The following XXYLT1 variants were observed in gnomAD, a reference collection of about 807,000 sequenced individuals.
The protein encoded by XXYLT1 is xyloside xylosyltransferase 1, also known as UDP-xylose:alpha-xyloside alpha-1,3-xylosyltransferase.
In XXYLT1, 20 loss-of-function variants were observed where a neutral mutation model predicts 28.9. The observed-to-expected ratio is 0.69, with a 90% CI of 0.49 to 1.00. The LOEUF is 1.00. Among genes scored for constraint, XXYLT1 ranks in the 50% least tolerant of loss-of-function variants. The pLI is 0.00. For missense variants in XXYLT1, 542 were observed against 560.1 expected (o/e 0.97, Z 0.33); for synonymous variants, 257 against 253.8 (o/e 1.01, Z -0.12).
intron 3 of XXYLT1, among the ~76,000 whole-genome samples, chr3:195,123,759 G>A (rs1230701324): frequency 1.3e-5 from 2 of 152,130 alleles, no homozygotes; most frequent in East Asian, 3.8e-4. Flanking sequence ...CCTCAGACGC[G>A]GGCACGATAA....
intron 1 of XXYLT1, among the ~76,000 whole-genome samples, chr3:195,236,331 C>T (rs1724546534): frequency 6.6e-6 from 1 of 152,144 alleles, no homozygotes; most frequent in African/African-American, 2.4e-5. Context: ...TCCCACTCTT[C>T]CCTCCTCTTT....
intron 2 of XXYLT1, among the ~76,000 whole-genome samples, chr3:195,160,514 G>A (rs1441112917): frequency 6.6e-6 from 1 of 152,222 alleles, no homozygotes; most frequent in African/African-American, 2.4e-5. Context: ...GCAGCTGCCT[G>A]GAAAAGGGGC....
At chr3:195,083,448 T>C (rs893462942) in intron 3 of XXYLT1, among the ~76,000 whole-genome samples, 2 of 152,190 alleles carry the variant, frequency 1.3e-5, no homozygotes, top group Non-Finnish European at 2.9e-5. Flanking sequence ...GCTGAGATGA[T>C]CCCTGGGGCC....
At chr3:195,142,451 A>G (rs1719542482) in intron 3 of XXYLT1, among the ~76,000 whole-genome samples, 2 of 152,162 alleles carry the variant, frequency 1.3e-5, no homozygotes, top group Non-Finnish European at 2.9e-5. Flanking sequence ...AACTTACCTT[A>G]GCTGGCAAAG....
chr3:195,240,143 T>A lies in XXYLT1; in HGVS notation c.505-13287A>T, dbSNP rs987743934. ...CAGTACTTTGTTGTTCAAACTAAAA[T>A]ATGTAACCGAGAAAGTGCTGTGTGA... On this transcript the variant is annotated intron_variant, in intron 1 of 3. Coordinates refer to ENST00000310380, the MANE Select transcript of XXYLT1 (RefSeq NM_152531.5). This position sits in a 1 kb window ranked among gnomAD's most constrained non-coding sequence, Gnocchi z 4.7. Among the ~76,000 whole-genome samples, 4 of 152,336 alleles carry A rather than the reference T, an allele frequency of 2.6e-5. No individual in the cohort carries two copies. The highest frequency in any genetic ancestry group is 2.0e-4 in the Admixed American group (3 of 15,298).
At chr3:195,148,138 C>T (rs572859983) in intron 3 of XXYLT1, 6 of 152,366 alleles carry the variant, frequency 3.9e-5, no homozygotes, top group South Asian at 2.1e-4. Flanking sequence ...GCAACACAAT[C>T]CCGCTTGGGT....
rs1303849961 is a variant in XXYLT1, at chr3:195,235,941, TAG to T, written c.505-9087_505-9086del. Among the ~76,000 whole-genome samples the T allele has an allele frequency of 8.0e-4, 121 of 151,004 alleles. 1 individual carries two copies. In the East Asian group the frequency reaches 0.017, roughly 22 times the overall value. On this transcript the variant is annotated intron_variant, in intron 1 of 3. Coordinates refer to ENST00000310380, the MANE Select transcript of XXYLT1 (RefSeq NM_152531.5). ...ATAGACATAGACATAGACATAGACA[TAG>T]ACATAGACATAGAGATATACACCTG...
intron 3 of XXYLT1, among the ~76,000 whole-genome samples, chr3:195,126,766 A>G (rs1253857069): frequency 6.6e-6 from 1 of 152,150 alleles, no homozygotes; most frequent in Non-Finnish European, 1.5e-5. Context: ...TTGCCACCCC[A>G]TCTGCCAGGT....
In XXYLT1 at chr3:195,078,805, T is replaced by C. The variant is rs1715268324; in HGVS notation, c.786-8694A>G. Among the ~76,000 whole-genome samples the C allele has an allele frequency of 6.6e-6, 1 of 150,540 alleles. No individual in the cohort carries two copies. The highest frequency in any genetic ancestry group is 1.5e-5 in the Non-Finnish European group (1 of 67,596). On this transcript the variant is annotated intron_variant, in intron 3 of 3. Coordinates refer to ENST00000310380, the MANE Select transcript of XXYLT1 (RefSeq NM_152531.5). This position sits in a 1 kb window ranked among gnomAD's most constrained non-coding sequence, Gnocchi z 5.0. ...CACCATCCGGCTGGCAGCTCCTTGC[T>C]CGCCGCCTGGGATCCCCTTCCTCTC... is the stretch of plus-strand genomic sequence containing the variant.
chr3:195,187,605 G>A (rs368786061), intron 2 of XXYLT1, among the ~76,000 whole-genome samples: 53 of 152,304 alleles, frequency 3.5e-4, no homozygotes, highest in African/African-American at 1.2e-3. Flanking sequence ...GAAGGGGAAA[G>A]AAATGGGATT....
chr3:195,143,841 TAG>T (rs1454170284), intron 3 of XXYLT1, among the ~76,000 whole-genome samples: 2,000 of 91,666 alleles, frequency 0.022, 180 homozygotes, highest in African/African-American at 0.091. Context: ...GATATAGATA[TAG>T]ATATATATAT....
intron 3 of XXYLT1, among the ~76,000 whole-genome samples, chr3:195,118,649 C>T (rs1055255678): frequency 6.6e-6 from 1 of 152,148 alleles, no homozygotes; most frequent in Non-Finnish European, 1.5e-5. Context: ...GCACCTATGC[C>T]CCAGGGGCAT....
intron 3 of XXYLT1, among the ~76,000 whole-genome samples, chr3:195,127,772 A>ATGTG (rs3073344): frequency 1.3e-5 from 2 of 151,432 alleles, no homozygotes; most frequent in Non-Finnish European, 2.9e-5. Context: ...GTGAGACAAA[A>ATGTG]TGTGTGTGTG....
intron 3 of XXYLT1, among the ~76,000 whole-genome samples, chr3:195,154,845 A>T (rs1047982966): frequency 2.0e-5 from 3 of 152,120 alleles, no homozygotes; most frequent in Non-Finnish European, 4.4e-5. Flanking sequence ...GGCCCCTCAA[A>T]TTCTTTCTTC....
At chr3:195,096,023 C>T (rs559845539) in intron 3 of XXYLT1, 14 of 152,250 alleles carry the variant, frequency 9.2e-5, no homozygotes, top group African/African-American at 3.4e-4. Context: ...GCAGTGTCCA[C>T]GCTATGGTCT....
In XXYLT1 at chr3:195,256,333, G is replaced by C. The variant is rs1725476426; in HGVS notation, c.504+14222C>G. 6.6e-6 allele frequency among the ~76,000 whole-genome samples: 1 copy of C among 152,164 alleles called. No individual in the cohort carries two copies. The highest frequency in any genetic ancestry group is 1.5e-5 in the Non-Finnish European group (1 of 68,020). On this transcript the variant is annotated intron_variant, in intron 1 of 3. Coordinates refer to ENST00000310380, the MANE Select transcript of XXYLT1 (RefSeq NM_152531.5). The surrounding 1 kb of genome is among the most constrained non-coding windows in gnomAD (Gnocchi z 4.2). The stretch of plus-strand genomic sequence containing the variant: ...CCACCCAGGGTCTCCTGCGATGGTG[G>C]CAACTGTGGCTCATTGACGGTGACG...
chr3:195,254,883 G>A (rs188355813), intron 1 of XXYLT1, among the ~76,000 whole-genome samples: 4 of 152,352 alleles, frequency 2.6e-5, no homozygotes, highest in East Asian at 3.9e-4. Flanking sequence ...AGAGGAGGTG[G>A]TTCAGAGAAT....
chr3:195,192,248 C>T (rs995412776), intron 2 of XXYLT1, among the ~76,000 whole-genome samples: 8 of 151,974 alleles, frequency 5.3e-5, no homozygotes, highest in African/African-American at 1.9e-4. Context: ...CATGGTGAAA[C>T]CCGGCCTCTA....
intron 1 of XXYLT1, among the ~76,000 whole-genome samples, chr3:195,246,663 C>T (rs1725035121): frequency 6.6e-6 from 1 of 152,222 alleles, no homozygotes; most frequent in African/African-American, 2.4e-5. Flanking sequence ...AACCACAAGG[C>T]AGCTCCAAAG....
Sources: gnomAD v4.1 joint callset for allele counts (sites outside exome capture counted in the v4.1 genomes callset) on GRCh38, gnomAD v4.1.1 for gene constraint, Gnocchi (gnomAD v3.1) non-coding constraint, MANE v1.5 for transcripts, NCBI Gene and HGNC (gene_info 2026-07-23, HGNC 2026-07-21) for gene names.